Variants in CHI3L2 observed in about 807,000 individuals in gnomAD.
CHI3L2 encodes chitinase 3 like 2, also known as chitinase-3-like protein 2.
A neutral mutation model predicts 47.3 loss-of-function variants in CHI3L2; 47 were observed. The ratio of observed to expected loss-of-function variants is 0.99; its 90% CI spans 0.79 to 1.27. CHI3L2 has a LOEUF of 1.27. CHI3L2 is among the 50% of genes most tolerant of loss of function. CHI3L2 has a pLI of 0.00. For synonymous variants in CHI3L2, 198 were observed against 169.9 expected (o/e 1.17, Z -1.28); for missense variants, 497 against 462.1 (o/e 1.08, Z -0.69).
Position 111,231,716 on chromosome 1 carries a change from G to A in CHI3L2, c.329+422G>A, listed in dbSNP as rs1047881407. 3.3e-5 allele frequency among the ~76,000 whole-genome samples: 5 copies of A among 152,358 alleles called. No individual in the cohort carries two copies. In the South Asian group the frequency reaches 6.2e-4, roughly 19 times the overall value. On this transcript the variant is annotated intron_variant, in intron 4 of 10. Transcript: ENST00000369748. ...TTCAGAAGCCCCACCATGGCCCATAGCAGTCAGTGGAGTACAATGTCTGGG... is the reference window on the plus strand; with the variant it reads ...TTCAGAAGCCCCACCATGGCCCATAACAGTCAGTGGAGTACAATGTCTGGG...
intron 5 of CHI3L2, 96 bp from the exon 6 acceptor site, chr1:111,235,543 A>G: frequency 7.3e-7 from 1 of 1,361,708 alleles, no homozygotes; most frequent in Non-Finnish European, 1.0e-6. Flanking sequence ...CTTTCCATCT[A>G]ATGTGGTTCT....
chr1:111,233,572 G>T (rs1056196934), intron 4 of CHI3L2, among the ~76,000 whole-genome samples: 2 of 152,192 alleles, frequency 1.3e-5, no homozygotes, highest in South Asian at 2.1e-4. Context: ...GAGGTGGGGG[G>T]GGTCAGCACC....
At position 111,231,341 on chromosome 1, in the gene CHI3L2, G is replaced by T; in HGVS notation, c.329+47G>T. ...TTGTTCATTTCCCCATGTAATTTTT[G>T]ATCATCATCATTTTTCCTCCTTCTA... On this transcript the variant is annotated intron_variant, in intron 4 of 10. Transcript: ENST00000369748. 3 of 1,397,978 alleles carry T rather than the reference G, an allele frequency of 2.1e-6. No individual in the cohort carries two copies. In the South Asian group the frequency reaches 3.6e-5, roughly 17 times the overall value. 86.6% of individuals were successfully genotyped at this position (1,397,978 alleles called of 1,614,324 possible).
chr1:111,227,684 TA>T, upstream of CHI3L2: 1 of 1,603,792 alleles, frequency 6.2e-7, no homozygotes, highest in Non-Finnish European at 8.5e-7. Flanking sequence ...CCTCAGTGGA[TA>T]AAAGACCTAG....
At chr1:111,228,509 C>T (rs1422281390) in intron 1 of CHI3L2, among the ~76,000 whole-genome samples, 1 of 152,172 alleles carries the variant, frequency 6.6e-6, no homozygotes, top group South Asian at 2.1e-4. Context: ...CGTAGGGAGG[C>T]CACACTTTGG....
rs1659927900 is a variant in CHI3L2 at position 111,237,817 on chromosome 1, TG to T, written c.736-930del. ...GTTAATTCAGGTCATGATGGGAAGT[TG>T]GGTGTCAGACATGCCTCACAGCTGA... On this transcript the variant is annotated intron_variant, in intron 7 of 10. Coordinates refer to ENST00000369748, the MANE Select transcript of CHI3L2 (RefSeq NM_004000.3). Among the ~76,000 whole-genome samples, 5 of 152,314 alleles carry T rather than the reference TG, an allele frequency of 3.3e-5. No homozygotes were observed. In the South Asian group the frequency reaches 1.0e-3, roughly 32 times the overall value.
At chr1:111,229,400 AG>A (rs1659624561) in intron 1 of CHI3L2, among the ~76,000 whole-genome samples, 1 of 152,168 alleles carries the variant, frequency 6.6e-6, no homozygotes. Context: ...AAGAAACCAC[AG>A]GCCGGGCGCG....
chr1:111,238,785 G>A lies in CHI3L2; in HGVS notation c.771G>A (p.Met257Ile), dbSNP rs1659959443. 6.2e-7 allele frequency: 1 copy of A among 1,613,962 alleles called. No homozygotes were observed. ...TGGGGTACTGGATACATAAGGGAAT[G>A]CCATCAGAGAAGGTGGTCATGGGCA... is the stretch of plus-strand genomic sequence containing the variant. ...YAVGYWIHKG[M>I]PSEKVVMGIP... Residue 257 changes from methionine (M) to isoleucine (I), a missense_variant, in exon 8 of 11, where the codon ATG (methionine) becomes ATA (isoleucine). Coordinates refer to ENST00000369748, the MANE Select transcript of CHI3L2 (RefSeq NM_004000.3).
In CHI3L2 at chr1:111,242,294, C is replaced by T. The variant is rs751643443; in HGVS notation, c.1103C>T (p.Thr368Ile). ...TGGTCTATTGACATGGATGACTTCACTGGCAAATCCTGCAACCAGGGCCCT... is the reference window on the plus strand; with the variant it reads ...TGGTCTATTGACATGGATGACTTCATTGGCAAATCCTGCAACCAGGGCCCT... ...MIWSIDMDDF[T>I]GKSCNQGPYP... The change falls in exon 10 of 11, where the codon ACT becomes ATT. Residue 368 changes from threonine (T) to isoleucine (I), a missense_variant. Physicochemically the swap from Thr to Ile is moderately conservative, Grantham distance 89. Coordinates refer to ENST00000369748, the MANE Select transcript of CHI3L2 (RefSeq NM_004000.3). 2 of 1,614,090 alleles carry T rather than the reference C, an allele frequency of 1.2e-6. No individual in the cohort carries two copies. Among genetic ancestry groups the T allele is most frequent in the South Asian group, 2.2e-5 (2 of 91,080 alleles).
chr1:111,238,798 G>T lies in CHI3L2; in HGVS notation c.784G>T (p.Val262Leu). 1 of 1,614,030 alleles carries T rather than the reference G, an allele frequency of 6.2e-7. No homozygotes were observed. The highest frequency in any genetic ancestry group is 8.5e-7 in the Non-Finnish European group (1 of 1,179,940). ...ACATAAGGGAATGCCATCAGAGAAG[G>T]TGGTCATGGGCATCCCCACATATGG... ...WIHKGMPSEK[V>L]VMGIPTYGHS... Residue 262 changes from valine to leucine, a missense_variant, in exon 8 of 11, where the codon GTG (valine) becomes TTG (leucine). By Grantham distance (32) the Val-to-Leu change is conservative. Transcript: ENST00000369748.
chr1:111,234,181 T>A (rs1320568157), intron 4 of CHI3L2, among the ~76,000 whole-genome samples: 25 of 126,136 alleles, frequency 2.0e-4, no homozygotes, highest in African/African-American at 7.0e-4. Context: ...CACCCAAGAA[T>A]GATCAATAAA....
At position 111,238,906 on chromosome 1, in the gene CHI3L2, T is replaced by C. The variant is rs200546876; in HGVS notation, c.892T>C (p.Ser298Pro). The C allele has an allele frequency of 1.8e-4, 283 of 1,604,860 alleles. No homozygotes were observed. Among genetic ancestry groups the C allele is most frequent in the East Asian group, 5.6e-4 (25 of 44,506 alleles). The stretch of plus-strand genomic sequence containing the variant: ...TGGAGCTGCTGGACCCATCACAGAG[T>C]CTTCAGGCTTCCTGGCCTATTATGA... ...GPGAAGPITE[S>P]SGFLAYYEIC... Residue 298 changes from serine (S) to proline (P), a missense_variant, in exon 8 of 11, where the codon TCT becomes CCT. By Grantham distance (74) the Ser-to-Pro change is moderately conservative. Coordinates refer to ENST00000369748, the MANE Select transcript of CHI3L2 (RefSeq NM_004000.3).
At chr1:111,231,664 C>T (rs568637215) in intron 4 of CHI3L2, among the ~76,000 whole-genome samples, 5 of 152,316 alleles carry the variant, frequency 3.3e-5, no homozygotes, top group Admixed American at 2.6e-4. Flanking sequence ...CTTTGTGCCC[C>T]GGGGTGGGTT....
rs1660119067 is a variant in CHI3L2, at chr1:111,243,399, T to G, written c.*185T>G. On this transcript the variant is annotated 3_prime_UTR_variant, in exon 11 of 11. Coordinates refer to ENST00000369748, the MANE Select transcript of CHI3L2 (RefSeq NM_004000.3). ...TGTTTTCCTGCAGCTGTTGACTTGT[T>G]GCCCTGAAGTACAATAAAAAAAATT... 1 of 368,660 alleles carries G rather than the reference T, an allele frequency of 2.7e-6. No individual in the cohort carries two copies. The highest frequency in any genetic ancestry group is 5.3e-6 in the Non-Finnish European group (1 of 188,578). The allele number at this position is 368,660 out of a possible 1,614,324, so 22.8% of individuals were successfully genotyped here.
intron 7 of CHI3L2, among the ~76,000 whole-genome samples, chr1:111,238,206 A>G (rs1417750892): frequency 6.6e-6 from 1 of 152,154 alleles, no homozygotes; most frequent in Non-Finnish European, 1.5e-5. Context: ...TAACCTGACC[A>G]CCTTGGGCAC....
chr1:111,232,134 T>G (rs1162999079), intron 4 of CHI3L2, among the ~76,000 whole-genome samples: 1 of 152,222 alleles, frequency 6.6e-6, no homozygotes, highest in Non-Finnish European at 1.5e-5. Flanking sequence ...GAAGTAGTGT[T>G]AGAAGACCTA....
At chr1:111,229,660 C>G (rs7546290) in intron 1 of CHI3L2, 192 bp from the exon 2 acceptor site, 7,069 of 539,384 alleles carry the variant, frequency 0.013, 273 homozygotes, top group African/African-American at 0.1. Context: ...CCAGCCTGGG[C>G]GACAGAGCGA....
chr1:111,235,828 A>G (rs1320817631), intron 6 of CHI3L2, 65 bp downstream of exon 6: 3 of 1,592,866 alleles, frequency 1.9e-6, no homozygotes, highest in South Asian at 1.1e-5. Flanking sequence ...ATGATGCATC[A>G]GCATGTTTGA....
intron 5 of CHI3L2, among the ~76,000 whole-genome samples, chr1:111,235,279 G>C (rs1371001660): frequency 6.6e-6 from 1 of 152,160 alleles, no homozygotes; most frequent in Non-Finnish European, 1.5e-5. Context: ...TTATTTTGAT[G>C]TCCTTCTTTT....
Sources: allele counts gnomAD v4.1 joint callset (sites outside exome capture counted in the v4.1 genomes callset), GRCh38; gene constraint gnomAD v4.1.1; transcripts MANE v1.5; gene names NCBI Gene and HGNC (gene_info 2026-07-23, HGNC 2026-07-21).